Variants in TMCO1 observed in about 807,000 individuals in gnomAD.
The protein encoded by TMCO1 is transmembrane and coiled-coil domains 1.
TMCO1 carries 29 observed loss-of-function variants against 29.3 expected under a neutral mutation model. That is an observed-to-expected ratio of 0.99 (90% CI 0.74 to 1.35). The LOEUF (loss-of-function observed/expected upper bound fraction) is 1.35. Among genes scored for constraint, TMCO1 ranks in the 40% most tolerant of loss-of-function variants. The probability of loss-of-function intolerance (pLI) is 0.00; values close to 1 mark genes in which losing one functional copy is unlikely to be tolerated. For synonymous variants in TMCO1, 80 were observed against 77.1 expected (o/e 1.04, Z -0.20); for missense variants, 173 against 225.5 (o/e 0.77, Z 1.49).
At chr1:165,766,854 A>G (rs1048544331) in intron 2 of TMCO1, among the ~76,000 whole-genome samples, 3 of 152,208 alleles carry the variant, frequency 2.0e-5, no homozygotes, top group Non-Finnish European at 4.4e-5. Context: ...CCAAATTAAT[A>G]AAGCATATCA....
At chr1:165,740,315 C>T (rs994050909) in intron 6 of TMCO1, among the ~76,000 whole-genome samples, 9 of 151,904 alleles carry the variant, frequency 5.9e-5, no homozygotes, top group Non-Finnish European at 1.2e-4. Context: ...ATTCTCCTGC[C>T]TCAGTCGCCC....
At chr1:165,767,077 A>C (rs944290567) in intron 2 of TMCO1, among the ~76,000 whole-genome samples, 4 of 152,206 alleles carry the variant, frequency 2.6e-5, no homozygotes, top group African/African-American at 9.6e-5. Flanking sequence ...CTGTGACGTA[A>C]GTTGTCATTA....
At chr1:165,753,472 CA>C (rs35980344) in intron 4 of TMCO1, among the ~76,000 whole-genome samples, 854 of 47,730 alleles carry the variant, frequency 0.018, 2 homozygotes, top group African/African-American at 0.067. Context: ...GACTCTGTCT[CA>C]AAAAAAAAAA....
intron 6 of TMCO1, among the ~76,000 whole-genome samples, chr1:165,732,202 G>A (rs1006724284): frequency 1.3e-5 from 2 of 152,076 alleles, no homozygotes; most frequent in Non-Finnish European, 2.9e-5. Flanking sequence ...TTTAAAGTTT[G>A]CAAACAGTTC....
upstream of TMCO1, chr1:165,768,876 C>A: frequency 1.3e-6 from 2 of 1,557,828 alleles, no homozygotes; most frequent in East Asian, 2.4e-5. Context: ...TCTGACAGCC[C>A]GAAGATCGCA....
chr1:165,760,779 G>A (rs908266101), intron 2 of TMCO1, among the ~76,000 whole-genome samples: 2 of 151,958 alleles, frequency 1.3e-5, no homozygotes, highest in African/African-American at 2.4e-5. Context: ...CCAGCCTGGC[G>A]ACAGAGCGAG....
At position 165,768,827 on chromosome 1, in the gene TMCO1, G is replaced by C. The variant is rs566687101; in HGVS notation, c.-76C>G. 1.1e-3 allele frequency: 1,773 copies of C among 1,602,544 alleles called. 4 individuals carry two copies. Among genetic ancestry groups the C allele is most frequent in the Non-Finnish European group, 1.4e-3 (1,611 of 1,174,180 alleles). Reference sequence around the variant, plus strand: ...AGCCAGGAAAAGTGAAGCGAAAACGGCTTCCGTAGACTCCGCCACCACCGA... The same window carrying C: ...AGCCAGGAAAAGTGAAGCGAAAACGCCTTCCGTAGACTCCGCCACCACCGA... On this transcript the variant is annotated 5_prime_UTR_variant, in exon 1 of 7. Transcript: ENST00000367881.
At chr1:165,761,568 AAGAG>A (rs1158668195) in intron 2 of TMCO1, among the ~76,000 whole-genome samples, 2 of 151,964 alleles carry the variant, frequency 1.3e-5, no homozygotes, top group Admixed American at 1.3e-4. Flanking sequence ...TGTACATGGA[AAGAG>A]AGAGAGAAAG....
downstream of TMCO1, chr1:165,726,533 G>A (rs761116150): frequency 2.3e-5 from 11 of 481,182 alleles, no homozygotes; most frequent in African/African-American, 1.8e-4. Flanking sequence ...CAATAGCTCT[G>A]TGATGCAGAG....
intron 6 of TMCO1, among the ~76,000 whole-genome samples, chr1:165,737,868 T>G (rs1490264965): frequency 2.0e-5 from 3 of 152,216 alleles, no homozygotes; most frequent in Admixed American, 2.0e-4. Context: ...TGAAATTCCT[T>G]AATGCTATAC....
chr1:165,762,684 T>C lies in TMCO1; in HGVS notation c.149-3100A>G, dbSNP rs140798993. Among the ~76,000 whole-genome samples the C allele has an allele frequency of 1.8e-4, 28 of 152,316 alleles. 1 individual carries two copies. Among genetic ancestry groups the C allele is most frequent in the African/African-American group, 5.3e-4 (22 of 41,578 alleles). Reference sequence around the variant, plus strand: ...TAAAAGATGTCTACTATGAAACACATTTCTGTCCATGATCTGTATTCCTGC... The same window carrying C: ...TAAAAGATGTCTACTATGAAACACACTTCTGTCCATGATCTGTATTCCTGC... On this transcript the variant is annotated intron_variant, in intron 2 of 6. Coordinates refer to ENST00000367881, the MANE Select transcript of TMCO1 (RefSeq NM_019026.6).
downstream of TMCO1, chr1:165,724,972 T>C: frequency 2.2e-6 from 1 of 448,406 alleles, no homozygotes; most frequent in Non-Finnish European, 4.4e-6. Context: ...ACCTAGGTGT[T>C]CTTTATTCTC....
rs1650974053 is a variant in TMCO1, at chr1:165,728,010, A to G, written c.*13T>C. ...GTCTAGAAAGAATGATAGAAAATAA[A>G]GAGTTCTTGAGTTCAAGAGAACTTC... On this transcript the variant is annotated 3_prime_UTR_variant, in exon 7 of 7. Coordinates refer to ENST00000367881, the MANE Select transcript of TMCO1 (RefSeq NM_019026.6). 3 of 1,587,420 alleles carry G rather than the reference A, an allele frequency of 1.9e-6. No homozygotes were observed.
chr1:165,726,710 T>C (rs1337321726), downstream of TMCO1: 1 of 454,154 alleles, frequency 2.2e-6, no homozygotes. Flanking sequence ...TGTTGACCAT[T>C]GTTTCTTGTA....
At chr1:165,757,484 C>T (rs1271932548) in intron 3 of TMCO1, among the ~76,000 whole-genome samples, 1 of 152,108 alleles carries the variant, frequency 6.6e-6, no homozygotes, top group African/African-American at 2.4e-5. Flanking sequence ...TTTTGATAAG[C>T]AACTCTTCAT....
intron 6 of TMCO1, among the ~76,000 whole-genome samples, chr1:165,740,084 C>G (rs980722686): frequency 8.6e-5 from 13 of 152,012 alleles, no homozygotes; most frequent in Admixed American, 7.2e-4. Flanking sequence ...TGCACTCCAG[C>G]CTGGGTGATG....
At chr1:165,752,837 A>G (rs773657602) in intron 4 of TMCO1, among the ~76,000 whole-genome samples, 3 of 151,968 alleles carry the variant, frequency 2.0e-5, no homozygotes, top group Non-Finnish European at 4.4e-5. Context: ...CTATAGCTGT[A>G]TGTTGGGTAA....
At chr1:165,743,772 A>G (rs540424422) in intron 5 of TMCO1, among the ~76,000 whole-genome samples, 5 of 151,780 alleles carry the variant, frequency 3.3e-5, no homozygotes, top group African/African-American at 1.2e-4. Flanking sequence ...AAAATCTTTT[A>G]TATCTTTATA....
At chr1:165,724,472 C>A (rs1239269195), downstream of TMCO1, 1 of 454,104 alleles carries the variant, frequency 2.2e-6, no homozygotes, top group East Asian at 6.9e-5. Context: ...CAGAGAGATG[C>A]TGATGAACCA....
Sources: gnomAD v4.1 joint callset for allele counts (sites outside exome capture counted in the v4.1 genomes callset) on GRCh38, gnomAD v4.1.1 for gene constraint, MANE v1.5 for transcripts, NCBI Gene and HGNC (gene_info 2026-07-23, HGNC 2026-07-21) for gene names.